Variants in LDAH observed in about 807,000 individuals in gnomAD.
LDAH encodes the protein lipid droplet associated hydrolase.
In LDAH, 26 loss-of-function variants were observed where a neutral mutation model predicts 29.6. The ratio of observed to expected loss-of-function variants is 0.88; its 90% CI spans 0.64 to 1.22. The LOEUF (loss-of-function observed/expected upper bound fraction) is 1.22. Among genes scored for constraint, LDAH ranks in the 50% most tolerant of loss-of-function variants. The pLI, the probability that LDAH is intolerant of heterozygous loss-of-function variation, is 0.00. For missense variants in LDAH, 344 were observed against 387.3 expected (o/e 0.89, Z 0.94); for synonymous variants, 117 against 133.0 (o/e 0.88, Z 0.83).
intron 4 of LDAH, among the ~76,000 whole-genome samples, chr2:20,747,738 G>A (rs933691380): frequency 3.3e-5 from 5 of 152,102 alleles, no homozygotes; most frequent in South Asian, 2.1e-4. Flanking sequence ...AATATGCCTC[G>A]CAGGGAAGTA....
rs1673449389 is a variant in LDAH, at chr2:20,823,038, TG to T, written c.-5del. ...TGAGCTCGGCAAGCTGTACCTCACC[TG>T]TCCACCTGGAAGGCTGCCCGCTCTC... On this transcript the variant is annotated splice_region_variant and 5_prime_UTR_variant, in exon 1 of 7. Coordinates refer to ENST00000237822, the MANE Select transcript of LDAH (RefSeq NM_021925.4). 1 of 152,398 alleles carries T rather than the reference TG, an allele frequency of 6.6e-6. No homozygotes were observed. The highest frequency in any genetic ancestry group is 1.5e-5 in the Non-Finnish European group (1 of 68,198). The allele number at this position is 152,398 out of a possible 1,614,324, so 9.4% of individuals were successfully genotyped here. A position where few individuals can be genotyped will look rare whatever the true frequency, so the allele number is the denominator to read the frequency against.
At chr2:20,736,011 C>G (rs72784350) in intron 5 of LDAH, among the ~76,000 whole-genome samples, 26,514 of 152,056 alleles carry the variant, frequency 0.17, 2,837 homozygotes, top group Admixed American at 0.25. Flanking sequence ...GGGACAGTAC[C>G]GTAGAGCAGG....
chr2:20,792,730 T>C (rs1330945840), intron 2 of LDAH, among the ~76,000 whole-genome samples: 1 of 152,066 alleles, frequency 6.6e-6, no homozygotes, highest in Non-Finnish European at 1.5e-5. Context: ...GATAACCCCA[T>C]GATTTAGATG....
chr2:20,776,150 T>A (rs1412169902), intron 3 of LDAH, among the ~76,000 whole-genome samples: 1 of 152,202 alleles, frequency 6.6e-6, no homozygotes, highest in Non-Finnish European at 1.5e-5. Context: ...AAGGCATTGA[T>A]GGGAATTACA....
chr2:20,819,131 A>G (rs1384645460), intron 1 of LDAH, among the ~76,000 whole-genome samples: 1 of 152,134 alleles, frequency 6.6e-6, no homozygotes, highest in East Asian at 1.9e-4. Context: ...GAACTTGCTG[A>G]ATTATCTTTA....
intron 3 of LDAH, among the ~76,000 whole-genome samples, chr2:20,776,236 T>TTG (rs376139124): frequency 4.6e-5 from 7 of 152,080 alleles, no homozygotes; most frequent in Admixed American, 1.3e-4. Flanking sequence ...ATGGTTTTTT[T>TTG]TGTGTGTGTG....
intron 6 of LDAH, among the ~76,000 whole-genome samples, chr2:20,690,288 C>T (rs148835804): frequency 1.3e-5 from 2 of 152,286 alleles, no homozygotes; most frequent in African/African-American, 2.4e-5. Context: ...GGAACCTCAA[C>T]AAAGAGTGGT....
At chr2:20,713,338 C>A (rs1240245349) in intron 5 of LDAH, among the ~76,000 whole-genome samples, 1 of 152,120 alleles carries the variant, frequency 6.6e-6, no homozygotes, top group Non-Finnish European at 1.5e-5. Flanking sequence ...CAAGCAAATG[C>A]TGAGAGATTT....
intron 3 of LDAH, among the ~76,000 whole-genome samples, chr2:20,777,361 G>A (rs369492853): frequency 2.6e-5 from 4 of 151,902 alleles, no homozygotes; most frequent in Admixed American, 2.0e-4. Context: ...AGATTAATGG[G>A]GAAAGTACTT....
chr2:20,812,981 G>A (rs979456885), intron 1 of LDAH, among the ~76,000 whole-genome samples: 1 of 152,092 alleles, frequency 6.6e-6, no homozygotes, highest in Non-Finnish European at 1.5e-5. Flanking sequence ...AAGACATTAC[G>A]CAATTTGCCT....
chr2:20,820,247 G>A (rs1177026915), intron 1 of LDAH, among the ~76,000 whole-genome samples: 2,947 of 151,730 alleles, frequency 0.019, 93 homozygotes, highest in African/African-American at 0.066. Flanking sequence ...CTTTCTTCAT[G>A]GAATTGGAAA....
intron 6 of LDAH, among the ~76,000 whole-genome samples, chr2:20,694,719 G>A (rs544193149): frequency 1.6e-3 from 237 of 152,290 alleles, no homozygotes; most frequent in Non-Finnish European, 2.7e-3. Context: ...GAATGGGAGC[G>A]CCAAAGGAGG....
At chr2:20,789,287 T>A in intron 3 of LDAH, 1 of 1,549,574 alleles carries the variant, frequency 6.5e-7, no homozygotes, top group Non-Finnish European at 8.7e-7. Flanking sequence ...CCCGCGAGAG[T>A]CCCAAGAGGG....
chr2:20,747,854 C>T (rs537211696), intron 4 of LDAH, among the ~76,000 whole-genome samples: 2 of 152,154 alleles, frequency 1.3e-5, no homozygotes, highest in African/African-American at 4.8e-5. Flanking sequence ...TATGAAGTTC[C>T]CTCATTCCAC....
chr2:20,705,371 A>T (rs1664229152), intron 5 of LDAH, among the ~76,000 whole-genome samples: 1 of 152,128 alleles, frequency 6.6e-6, no homozygotes, highest in African/African-American at 2.4e-5. Context: ...GCCCTAATAC[A>T]AGTCTTCTAT....
chr2:20,736,364 C>T (rs1368017465), intron 5 of LDAH, among the ~76,000 whole-genome samples: 1 of 152,046 alleles, frequency 6.6e-6, no homozygotes, highest in Non-Finnish European at 1.5e-5. Flanking sequence ...ATTGCTTGAA[C>T]CCAGGAGGCG....
At chr2:20,734,343 T>C (rs886460567) in intron 5 of LDAH, among the ~76,000 whole-genome samples, 1 of 152,202 alleles carries the variant, frequency 6.6e-6, no homozygotes, top group African/African-American at 2.4e-5. Flanking sequence ...GTTTGTTCTC[T>C]GTCATGTCTC....
At chr2:20,713,638 C>A (rs1187480305) in intron 5 of LDAH, among the ~76,000 whole-genome samples, 3 of 152,080 alleles carry the variant, frequency 2.0e-5, no homozygotes, top group African/African-American at 7.2e-5. Context: ...TTCAGGAGAC[C>A]CATCTCACGT....
rs964919320 is a variant in LDAH at position 20,687,011 on chromosome 2, G to A, written c.870C>T (p.Asp290=). ...EDIKKDFPEG[D]IRLCEKNIPH... ...GTATGTTTTTCTCACAGAGTCGAAT[G>A]TCTCCTTCTGGAAAATCCTTCTTAA... Residue 290 remains aspartate (D), a synonymous_variant, in exon 7 of 7, where the codon GAC becomes GAT. Transcript: ENST00000237822. 6.2e-7 allele frequency: 1 copy of A among 1,613,968 alleles called. No individual in the cohort carries two copies. The highest frequency in any genetic ancestry group is 8.5e-7 in the Non-Finnish European group (1 of 1,179,848).
Sources: gnomAD v4.1 joint callset for allele counts (sites outside exome capture counted in the v4.1 genomes callset) on GRCh38, gnomAD v4.1.1 for gene constraint, MANE v1.5 for transcripts, NCBI Gene and HGNC (gene_info 2026-07-23, HGNC 2026-07-21) for gene names.